The following ASAP1 variants were observed in gnomAD, a reference collection of about 807,000 sequenced individuals.
ASAP1 encodes ArfGAP with SH3 domain, ankyrin repeat and PH domain 1, also known as arf-GAP with SH3 domain, ANK repeat and PH domain-containing protein 1.
Under a neutral mutation model 145.2 loss-of-function variants are expected in ASAP1, and 43 were observed. The ratio of observed to expected loss-of-function variants is 0.30; its 90% CI spans 0.23 to 0.38. The LOEUF (loss-of-function observed/expected upper bound fraction) is 0.38, where lower values mean the gene tolerates loss of function less well. Ranked by LOEUF, ASAP1 falls within the 10% of genes least tolerant of loss-of-function variation. The pLI is 1.00. For missense variants in ASAP1, 1,018 were observed against 1,355.3 expected (o/e 0.75, Z 3.91); for synonymous variants, 546 against 515.5 (o/e 1.06, Z -0.80).
At chr8:130,417,441 T>C (rs1160615328) in intron 1 of ASAP1, among the ~76,000 whole-genome samples, 1 of 152,242 alleles carries the variant, frequency 6.6e-6, no homozygotes, top group Non-Finnish European at 1.5e-5. Flanking sequence ...CCGTTTCCTC[T>C]GTGGAAGCAG....
At chr8:130,101,491 T>C (rs1385845453) in intron 24 of ASAP1, among the ~76,000 whole-genome samples, 2 of 152,134 alleles carry the variant, frequency 1.3e-5, no homozygotes, top group Non-Finnish European at 2.9e-5. Flanking sequence ...TGCAGAGCTC[T>C]TTCACCTCCT....
intron 12 of ASAP1, among the ~76,000 whole-genome samples, chr8:130,155,213 A>G (rs1436171840): frequency 1.3e-5 from 2 of 151,942 alleles, no homozygotes; most frequent in East Asian, 3.9e-4. Flanking sequence ...GCGCGCACAC[A>G]CCCCTTCTCT....
chr8:130,276,566 C>T (rs753433497), intron 3 of ASAP1, among the ~76,000 whole-genome samples: 7 of 152,082 alleles, frequency 4.6e-5, no homozygotes, highest in Non-Finnish European at 1.0e-4. Flanking sequence ...CCAGGGTCTT[C>T]TGTGACAGTA....
chr8:130,276,724 A>ACTCTCTCTCTCTCTCT (rs1471141965), intron 3 of ASAP1, among the ~76,000 whole-genome samples: 5 of 102,542 alleles, frequency 4.9e-5, no homozygotes, highest in African/African-American at 1.4e-4. Flanking sequence ...ACACACACAC[A>ACTCTCTCTCTCTCTCT]CACACTCTCT....
At chr8:130,300,341 G>C (rs1294247416) in intron 3 of ASAP1, among the ~76,000 whole-genome samples, 1 of 152,156 alleles carries the variant, frequency 6.6e-6, no homozygotes, top group Non-Finnish European at 1.5e-5. Context: ...AATTCACTCT[G>C]TCACATGTTT....
chr8:130,086,774 A>T (rs947720920), intron 25 of ASAP1, among the ~76,000 whole-genome samples: 7 of 152,248 alleles, frequency 4.6e-5, no homozygotes, highest in African/African-American at 1.7e-4. Flanking sequence ...ACTGCACTCC[A>T]GCCTGGGTGA....
chr8:130,403,588 C>T (rs1319136384), intron 1 of ASAP1, among the ~76,000 whole-genome samples: 1 of 143,224 alleles, frequency 7.0e-6, no homozygotes, highest in Non-Finnish European at 1.5e-5. Context: ...CAGTTTCACT[C>T]GTTGCCCAGA....
intron 1 of ASAP1, among the ~76,000 whole-genome samples, chr8:130,425,819 G>A (rs1260102311): frequency 6.6e-6 from 1 of 152,172 alleles, no homozygotes; most frequent in Non-Finnish European, 1.5e-5. Flanking sequence ...CAAACTTGAT[G>A]TATAGTATCT....
At chr8:130,177,748 G>C (rs992926051) in intron 9 of ASAP1, among the ~76,000 whole-genome samples, 2 of 151,942 alleles carry the variant, frequency 1.3e-5, no homozygotes, top group East Asian at 1.9e-4. Flanking sequence ...TCATCAAAAA[G>C]GTTTTCCTTA....
At chr8:130,437,887 A>T (rs937950244) in intron 1 of ASAP1, among the ~76,000 whole-genome samples, 1 of 152,178 alleles carries the variant, frequency 6.6e-6, no homozygotes, top group African/African-American at 2.4e-5. Flanking sequence ...TCCAACCAGG[A>T]TCCCGCCACT....
In ASAP1 at chr8:130,209,359, C is replaced by T. The variant is rs148731134; in HGVS notation, c.405+5197G>A. ...TGGTTCTCAAAGTATGGCGCCTAGG[C>T]CCCTAGAGGTTCCCAAGGTCCAAAC... On this transcript the variant is annotated intron_variant, in intron 5 of 29. Coordinates refer to ENST00000518721, the MANE Select transcript of ASAP1 (RefSeq NM_018482.4). Among the ~76,000 whole-genome samples the T allele has an allele frequency of 4.0e-3, 607 of 152,276 alleles. 1 individual carries two copies. The highest frequency in any genetic ancestry group is 0.014 in the African/African-American group (580 of 41,550).
chr8:130,102,072 T>G (rs1364815580), intron 24 of ASAP1, among the ~76,000 whole-genome samples: 2 of 152,146 alleles, frequency 1.3e-5, no homozygotes, highest in Non-Finnish European at 2.9e-5. Flanking sequence ...CTTTTCCAGT[T>G]TGGATGCCCT....
At chr8:130,202,432 GCA>G (rs1208204626) in intron 5 of ASAP1, among the ~76,000 whole-genome samples, 1 of 152,152 alleles carries the variant, frequency 6.6e-6, no homozygotes, top group Non-Finnish European at 1.5e-5. Flanking sequence ...GACAGTCTTA[GCA>G]CAGATTCTGG....
chr8:130,091,180 C>T (rs749126), intron 25 of ASAP1, among the ~76,000 whole-genome samples: 15,694 of 152,174 alleles, frequency 0.1, 944 homozygotes, highest in South Asian at 0.27. Context: ...GTATGCCAGG[C>T]GTGGTTCCAG....
intron 3 of ASAP1, among the ~76,000 whole-genome samples, chr8:130,315,297 T>C (rs1823600041): frequency 6.6e-6 from 1 of 152,142 alleles, no homozygotes; most frequent in Non-Finnish European, 1.5e-5. Context: ...AACTGGTACA[T>C]TCTTTGTATA....
intron 3 of ASAP1, among the ~76,000 whole-genome samples, chr8:130,285,326 A>AAAAAAAC (rs1165140901): frequency 6.6e-6 from 1 of 152,220 alleles, no homozygotes; most frequent in Admixed American, 6.5e-5. Context: ...TTGGAAAGAA[A>AAAAAAAC]AAAAAACAAA....
At chr8:130,098,840 T>A (rs568202420) in intron 24 of ASAP1, among the ~76,000 whole-genome samples, 1 of 152,138 alleles carries the variant, frequency 6.6e-6, no homozygotes, top group African/African-American at 2.4e-5. Context: ...AAATTACTGT[T>A]AACCACAGTC....
At chr8:130,227,814 C>T (rs372614462) in intron 4 of ASAP1, among the ~76,000 whole-genome samples, 68 of 152,050 alleles carry the variant, frequency 4.5e-4, no homozygotes, top group African/African-American at 1.5e-3. Flanking sequence ...GTTCAGATAA[C>T]GTGTGTCGTC....
chr8:130,151,781 A>T (rs2097646913), intron 13 of ASAP1, among the ~76,000 whole-genome samples: 1 of 152,246 alleles, frequency 6.6e-6, no homozygotes, highest in Non-Finnish European at 1.5e-5. Flanking sequence ...CAGGACTAGT[A>T]AGTGCCCAAG....
Sources: allele counts gnomAD v4.1 joint callset (sites outside exome capture counted in the v4.1 genomes callset), GRCh38; gene constraint gnomAD v4.1.1; transcripts MANE v1.5; gene names NCBI Gene and HGNC (gene_info 2026-07-23, HGNC 2026-07-21).